The following DYM variants were observed in gnomAD, a reference collection of about 807,000 sequenced individuals.
DYM encodes dymeclin, also known as dyggve-Melchior-Clausen syndrome protein.
DYM carries 78 observed loss-of-function variants against 93.1 expected under a neutral mutation model. The observed-to-expected ratio is 0.84, with a 90% CI of 0.70 to 1.01. The LOEUF (loss-of-function observed/expected upper bound fraction) is 1.01, where lower values mean the gene tolerates loss of function less well. Among genes scored for constraint, DYM ranks in the 50% least tolerant of loss-of-function variants. DYM has a pLI of 0.00. For missense variants in DYM, 789 were observed against 845.0 expected, an observed-to-expected ratio of 0.93 and a Z score of 0.82; for synonymous variants, 321 against 319.7, an observed-to-expected ratio of 1.00 and a Z score of -0.04.
chr18:49,307,899 T>C (rs1243074542), intron 8 of DYM, among the ~76,000 whole-genome samples: 8 of 152,228 alleles, frequency 5.3e-5, no homozygotes, highest in Non-Finnish European at 1.5e-5. Flanking sequence ...GCCTGCTTTC[T>C]TGATGTGACC....
chr18:49,119,600 A>G (rs1057429441), intron 15 of DYM, among the ~76,000 whole-genome samples: 9 of 152,216 alleles, frequency 5.9e-5, no homozygotes. Context: ...AAATTATAAC[A>G]TTGATGTGGT....
intron 14 of DYM, among the ~76,000 whole-genome samples, chr18:49,200,343 G>T (rs1269528450): frequency 6.6e-6 from 1 of 151,546 alleles, no homozygotes; most frequent in African/African-American, 2.4e-5. Context: ...ACATTATCTG[G>T]TTTTTGGACA....
At position 49,044,059 on chromosome 18, in the gene DYM, T is replaced by C; in HGVS notation, c.2171A>G (p.Asp724Gly). 1.2e-6 allele frequency: 2 copies of C among 1,613,320 alleles called. No homozygotes were observed. Among genetic ancestry groups the C allele is most frequent in the Non-Finnish European group, 1.7e-6 (2 of 1,180,012 alleles). Residue 724 changes from aspartate to glycine, a missense_variant, in exon 18 of 18, where the codon GAC (aspartate) becomes GGC (glycine). By Grantham distance (94) the Asp-to-Gly change is moderately conservative. Transcript: ENST00000675505. ...GGGTGGGAGAGCATCCTGCCCTCAG[T>C]CGGAATCCATGGTGAACAGCTGGAT... The part of the protein sequence containing the change: ...QDIQLFTMDS[D>G]
chr18:49,439,434 C>G (rs1390146413), intron 1 of DYM, among the ~76,000 whole-genome samples: 2 of 152,150 alleles, frequency 1.3e-5, no homozygotes, highest in African/African-American at 2.4e-5. Flanking sequence ...GTAAAAGCTG[C>G]CTTGAAATGT....
chr18:49,159,397 T>C (rs767849491), intron 15 of DYM, among the ~76,000 whole-genome samples: 5 of 152,206 alleles, frequency 3.3e-5, no homozygotes, highest in African/African-American at 7.2e-5. Context: ...TGAAAGCAGA[T>C]TTAAAAGTTT....
chr18:49,114,652 T>G (rs949082248), intron 16 of DYM: 3 of 859,682 alleles, frequency 3.5e-6, no homozygotes, highest in African/African-American at 1.9e-5. Flanking sequence ...TTCAGAGACT[T>G]TTTTTTTCTT....
intron 3 of DYM, among the ~76,000 whole-genome samples, chr18:49,386,400 C>T (rs765809723): frequency 4.6e-5 from 7 of 152,278 alleles, no homozygotes; most frequent in Non-Finnish European, 7.3e-5. Flanking sequence ...TGATCAACAT[C>T]AACACCATCA....
At chr18:49,118,662 T>C (rs12967575) in intron 16 of DYM, 82 bp downstream of exon 16, 13,988 of 1,274,260 alleles carry the variant, frequency 0.011, 119 homozygotes, top group Non-Finnish European at 0.013. Context: ...CTTACTATTA[T>C]AGTTCTTACC....
intron 8 of DYM, among the ~76,000 whole-genome samples, chr18:49,318,007 C>G (rs907065680): frequency 6.6e-6 from 1 of 152,058 alleles, no homozygotes; most frequent in Non-Finnish European, 1.5e-5. Context: ...CCCAGGAAAA[C>G]AGATGATTCT....
intron 8 of DYM, among the ~76,000 whole-genome samples, chr18:49,311,990 A>T (rs964257342): frequency 6.6e-6 from 1 of 151,982 alleles, no homozygotes; most frequent in Admixed American, 6.6e-5. Flanking sequence ...AACTTAAGAC[A>T]TTTATATTTT....
At chr18:49,366,858 C>A (rs978566823) in intron 5 of DYM, among the ~76,000 whole-genome samples, 1 of 152,066 alleles carries the variant, frequency 6.6e-6, no homozygotes, top group South Asian at 2.1e-4. Flanking sequence ...TGATTATGAT[C>A]ATCATTTTAC....
chr18:49,408,108 T>C (rs1251226653), intron 2 of DYM, among the ~76,000 whole-genome samples: 1 of 151,430 alleles, frequency 6.6e-6, no homozygotes, highest in Non-Finnish European at 1.5e-5. Flanking sequence ...TACAAACATA[T>C]TAAAAATTTA....
chr18:49,205,701 G>T (rs1435195861), intron 14 of DYM, among the ~76,000 whole-genome samples: 1 of 152,086 alleles, frequency 6.6e-6, no homozygotes, highest in Non-Finnish European at 1.5e-5. Context: ...TCAATGACAG[G>T]TGTTTTCAAA....
intron 13 of DYM, among the ~76,000 whole-genome samples, chr18:49,216,506 G>GT (rs2052760920): frequency 6.6e-6 from 1 of 152,182 alleles, no homozygotes; most frequent in African/African-American, 2.4e-5. Context: ...GCACCCCCCA[G>GT]TAGGGGCAGA....
intron 16 of DYM, among the ~76,000 whole-genome samples, chr18:49,103,080 G>C (rs1375544838): frequency 4.6e-5 from 7 of 152,150 alleles, no homozygotes; most frequent in African/African-American, 1.7e-4. Context: ...AGCACCTGTT[G>C]TTTCCTGACT....
intron 8 of DYM, among the ~76,000 whole-genome samples, chr18:49,318,089 C>T (rs142978278): frequency 1.3e-5 from 2 of 152,166 alleles, no homozygotes; most frequent in Non-Finnish European, 2.9e-5. Flanking sequence ...ACACCTGATA[C>T]CCCACACCCT....
At chr18:49,446,136 T>C (rs2082075229) in intron 1 of DYM, among the ~76,000 whole-genome samples, 1 of 152,156 alleles carries the variant, frequency 6.6e-6, no homozygotes, top group South Asian at 2.1e-4. Context: ...AAAAGAATTT[T>C]TAGGGCCAGG....
chr18:49,218,032 T>C (rs1214493844), intron 13 of DYM, among the ~76,000 whole-genome samples: 1 of 151,832 alleles, frequency 6.6e-6, no homozygotes, highest in Non-Finnish European at 1.5e-5. Flanking sequence ...GAGACACAAA[T>C]AGGCTCAAAA....
At chr18:49,108,077 T>C (rs187813262) in intron 16 of DYM, among the ~76,000 whole-genome samples, 2 of 145,028 alleles carry the variant, frequency 1.4e-5, no homozygotes, top group South Asian at 2.1e-4. Flanking sequence ...CCTGGCCACT[T>C]TGTTTACCTA....
Sources: gnomAD v4.1 joint callset for allele counts (sites outside exome capture counted in the v4.1 genomes callset) on GRCh38, gnomAD v4.1.1 for gene constraint, MANE v1.5 for transcripts, NCBI Gene and HGNC (gene_info 2026-07-23, HGNC 2026-07-21) for gene names.